MMP28: variants seen among roughly 807,000 people sequenced by gnomAD.
The protein encoded by MMP28 is matrix metallopeptidase 28.
MMP28 carries 55 observed loss-of-function variants against 60.5 expected under a neutral mutation model. That is an observed-to-expected ratio of 0.91 (90% CI 0.73 to 1.14). MMP28 has a LOEUF of 1.14. Among genes scored for constraint, MMP28 ranks in the 50% most tolerant of loss-of-function variants. MMP28 has a pLI of 0.00. For missense variants in MMP28, 686 were observed against 738.3 expected, an observed-to-expected ratio of 0.93 and a Z score of 0.82; for synonymous variants, 318 against 312.5, an observed-to-expected ratio of 1.02 and a Z score of -0.18.
downstream of MMP28, chr17:35,764,751 G>A (rs1307963827): frequency 2.9e-6 from 3 of 1,034,846 alleles, no homozygotes; most frequent in Middle Eastern, 3.1e-4. Context: ...GCTGCCCAGA[G>A]CGCCCCCATC....
Position 35,782,291 on chromosome 17 carries a change from A to C in MMP28, c.112-2968T>G, listed in dbSNP as rs555791188. 3.3e-5 allele frequency among the ~76,000 whole-genome samples: 5 copies of C among 152,018 alleles called. No homozygotes were observed. The East Asian group carries it at 7.7e-4, about 24-fold the overall frequency. On this transcript the variant is annotated intron_variant, in intron 1 of 7. Transcript: ENST00000605424. ...AGGATGGTCTCAATCTCCTGACCTC[A>C]TGATCCGCCCGCCTCAGCCTACCAA...
At chr17:35,787,769 G>A (rs1420949468) in intron 1 of MMP28, among the ~76,000 whole-genome samples, 4 of 149,990 alleles carry the variant, frequency 2.7e-5, no homozygotes, top group African/African-American at 9.8e-5. Flanking sequence ...GATTACAGGT[G>A]TGAGCCACTG....
chr17:35,779,309 CT>C lies in MMP28; in HGVS notation c.125del (p.Lys42SerfsTer45). 6.2e-7 allele frequency: 1 copy of C among 1,612,866 alleles called. No individual in the cohort carries two copies. The highest frequency in any genetic ancestry group is 1.1e-5 in the South Asian group (1 of 90,670). ...LRKEAEAFLE[K>X]YGYLNEQVPK... ...GGACCTGTTCATTGAGGTATCCGTACTTCTCTAGGAATGCCTGCGGGAGAGA... is the reference window on the plus strand; with the variant it reads ...GGACCTGTTCATTGAGGTATCCGTACTCTCTAGGAATGCCTGCGGGAGAGA... On this transcript the variant is annotated frameshift_variant, in exon 2 of 8. Coordinates refer to ENST00000605424, the MANE Select transcript of MMP28 (RefSeq NM_024302.5). LOFTEE classifies it high-confidence loss of function.
intron 1 of MMP28, 185 bp from the exon 2 acceptor site, chr17:35,779,508 A>G: frequency 1.7e-6 from 1 of 587,854 alleles, no homozygotes; most frequent in Non-Finnish European, 3.0e-6. Flanking sequence ...ATTCCAGGTC[A>G]CCACTGACTA....
intron 1 of MMP28, among the ~76,000 whole-genome samples, chr17:35,782,302 G>C (rs368022379): frequency 5.3e-4 from 81 of 152,086 alleles, no homozygotes; most frequent in Middle Eastern, 6.8e-3. Flanking sequence ...TGATCCGCCC[G>C]CCTCAGCCTA....
chr17:35,764,179 C>T, downstream of MMP28: 2 of 1,548,334 alleles, frequency 1.3e-6, no homozygotes, highest in Middle Eastern at 2.1e-4. Flanking sequence ...AGGGCGAAGG[C>T]CGCGAGCGGC....
At position 35,778,903 on chromosome 17, in the gene MMP28, G is replaced by A. The variant is rs764592511; in HGVS notation, c.364C>T (p.Arg122Cys). The change falls in exon 3 of 8, where the codon CGC becomes TGC. Residue 122 changes from arginine (R) to cysteine (C), a missense_variant. By Grantham distance (180) the Arg-to-Cys change is radical. Coordinates refer to ENST00000605424, the MANE Select transcript of MMP28 (RefSeq NM_024302.5). ...RHRTKMRRKK[R>C]FAKQGNKWYK... ...CAGTGCTCACCTTGCTTTGCAAAGC[G>A]TTTCTTACGCCTCATTTTGGTCCGG... 21 of 1,613,920 alleles carry A rather than the reference G, an allele frequency of 1.3e-5. No homozygotes were observed. The highest frequency in any genetic ancestry group is 3.3e-5 in the Admixed American group (2 of 60,004).
chr17:35,779,163 C>A, intron 2 of MMP28, 81 bp downstream of exon 2: 2 of 1,568,878 alleles, frequency 1.3e-6, no homozygotes, highest in South Asian at 2.3e-5. Flanking sequence ...GCCAGCCAGG[C>A]TTCCAGGAGG....
chr17:35,779,083 G>A lies in MMP28; in HGVS notation c.192-8C>T. 1.9e-6 allele frequency: 3 copies of A among 1,613,160 alleles called. No individual in the cohort carries two copies. The highest frequency in any genetic ancestry group is 2.5e-6 in the Non-Finnish European group (3 of 1,179,390). On this transcript the variant is annotated splice_polypyrimidine_tract_variant and splice_region_variant and intron_variant, in intron 2 of 7. Transcript: ENST00000605424. ...GACACCCACTGAAACGCTCTGTCAG[G>A]AGGAAAGGACCGCAAGGGGAGGGTG...
At position 35,795,460 on chromosome 17, in the gene MMP28, G is replaced by A. The variant is rs1434870899; in HGVS notation, c.-83C>T. On this transcript the variant is annotated 5_prime_UTR_variant, in exon 1 of 8. Coordinates refer to ENST00000605424, the MANE Select transcript of MMP28 (RefSeq NM_024302.5). The stretch of plus-strand genomic sequence containing the variant: ...GCAGTCAGCCGCGCCCGGGACCCCG[G>A]GGATGGGACTGCTCTGCGCCGCCCC... 4.9e-6 allele frequency: 5 copies of A among 1,013,750 alleles called. No homozygotes were observed. The highest frequency in any genetic ancestry group is 4.1e-5 in the Admixed American group (1 of 24,570). 62.8% of individuals were successfully genotyped at this position (1,013,750 alleles called of 1,614,324 possible). A position where few individuals can be genotyped will look rare whatever the true frequency, so the allele number is the denominator to read the frequency against.
chr17:35,794,737 A>G (rs942220152), intron 1 of MMP28, among the ~76,000 whole-genome samples: 3 of 152,022 alleles, frequency 2.0e-5, no homozygotes, highest in Non-Finnish European at 2.9e-5. Flanking sequence ...CTTAGAAGCA[A>G]CTCTTGAGAG....
At chr17:35,764,446 A>G, downstream of MMP28, 1 of 1,551,284 alleles carries the variant, frequency 6.4e-7, no homozygotes, top group African/African-American at 1.4e-5. Context: ...CTCCCGGAGG[A>G]GCCGTGCGTG....
chr17:35,766,576 G>A lies in MMP28; in HGVS notation c.1487C>T (p.Thr496Ile), dbSNP rs2085944718. The A allele has an allele frequency of 6.2e-7, 1 of 1,611,938 alleles. No homozygotes were observed. Among genetic ancestry groups the A allele is most frequent in the Admixed American group, 1.7e-5 (1 of 59,956 alleles). Residue 496 changes from threonine to isoleucine, a missense_variant, in exon 8 of 8, where the codon ACC becomes ATC. Coordinates refer to ENST00000605424, the MANE Select transcript of MMP28 (RefSeq NM_024302.5). This position sits in a 1 kb window ranked among gnomAD's most constrained non-coding sequence, Gnocchi z 4.3. ...WRLDQAKLQA[T>I]TSGRWATELP... ...CTCGGTGGCCCAGCGGCCCGAGGTG[G>A]TTGCCTGCAGTTTGGCCTGGTCGAG... is the stretch of plus-strand genomic sequence containing the variant.
chr17:35,767,974 C>T, intron 6 of MMP28, 55 bp from the exon 7 acceptor site: 1 of 1,523,620 alleles, frequency 6.6e-7, no homozygotes, highest in African/African-American at 1.4e-5. Context: ...TGCTGTCTTT[C>T]CAGGAAAGAT....
At chr17:35,795,193 C>G in intron 1 of MMP28, 74 bp downstream of exon 1, 1 of 986,146 alleles carries the variant, frequency 1.0e-6, no homozygotes. Flanking sequence ...AGGGGACTGC[C>G]GGGTGGCCTG....
In MMP28 at chr17:35,778,926, C is replaced by T. The variant is rs562955735; in HGVS notation, c.341G>A (p.Arg114Gln). 6.8e-4 allele frequency: 1,095 copies of T among 1,614,036 alleles called. 25 individuals are homozygous for T. The South Asian group carries it at 0.011, about 17-fold the overall frequency. Residue 114 changes from arginine (R) to glutamine (Q), a missense_variant, in exon 3 of 8, where the codon CGG becomes CAG. Coordinates refer to ENST00000605424, the MANE Select transcript of MMP28 (RefSeq NM_024302.5). ...GCGTTTCTTACGCCTCATTTTGGTCCGGTGTCTAGCAAACAAGTCACTGAT... is the reference window on the plus strand; with the variant it reads ...GCGTTTCTTACGCCTCATTTTGGTCTGGTGTCTAGCAAACAAGTCACTGAT... ...ERISDLFARH[R>Q]TKMRRKKRFA...
intron 1 of MMP28, among the ~76,000 whole-genome samples, chr17:35,789,695 T>C (rs1421426981): frequency 1.3e-5 from 2 of 152,170 alleles, no homozygotes; most frequent in African/African-American, 2.4e-5. Flanking sequence ...GGGGCTCTGC[T>C]AGATGTCTTA....
intron 2 of MMP28, chr17:35,757,553 T>TGGA (rs1292538798): frequency 6.6e-6 from 1 of 152,224 alleles, no homozygotes; most frequent in Admixed American, 6.5e-5. Flanking sequence ...GAACCAATCC[T>TGGA]GGAGCCCTTT....
chr17:35,785,953 AT>A (rs1555610363), intron 1 of MMP28, among the ~76,000 whole-genome samples: 1 of 152,076 alleles, frequency 6.6e-6, no homozygotes, highest in African/African-American at 2.4e-5. Context: ...GGAAAGCTTT[AT>A]GACAGTTGCC....
Sources: gnomAD v4.1 joint callset for allele counts (sites outside exome capture counted in the v4.1 genomes callset) on GRCh38, gnomAD v4.1.1 for gene constraint, Gnocchi (gnomAD v3.1) non-coding constraint, MANE v1.5 for transcripts, NCBI Gene and HGNC (gene_info 2026-07-23, HGNC 2026-07-21) for gene names.